The following DSCAML1 variants were observed in gnomAD, a reference collection of about 807,000 sequenced individuals.
DSCAML1 encodes cell adhesion molecule DSCAML1.
Under a neutral mutation model 200.5 loss-of-function variants are expected in DSCAML1, and 38 were observed. The ratio of observed to expected loss-of-function variants is 0.19; its 90% CI spans 0.15 to 0.25. The LOEUF (loss-of-function observed/expected upper bound fraction) is 0.25, where lower values mean the gene tolerates loss of function less well. Among genes scored for constraint, DSCAML1 ranks in the 10% least tolerant of loss-of-function variants. The pLI, the probability that DSCAML1 is intolerant of heterozygous loss-of-function variation, is 1.00. For synonymous variants in DSCAML1, 1,215 were observed against 1,165.0 expected, an observed-to-expected ratio of 1.04 and a Z score of -0.87; for missense variants, 2,223 against 2,858.8, an observed-to-expected ratio of 0.78 and a Z score of 5.07.
chr11:117,522,997 G>C (rs947172656), intron 5 of DSCAML1, among the ~76,000 whole-genome samples: 1 of 152,174 alleles, frequency 6.6e-6, no homozygotes, highest in Admixed American at 6.5e-5. Context: ...TACACATCTG[G>C]AAGTGGTGAC....
chr11:117,520,077 C>A (rs1027642693), intron 6 of DSCAML1, among the ~76,000 whole-genome samples: 1 of 152,182 alleles, frequency 6.6e-6, no homozygotes, highest in Admixed American at 6.5e-5. Flanking sequence ...AGGTGGGGAA[C>A]CATTAAACTT....
chr11:117,615,113 G>A (rs2051784840), intron 3 of DSCAML1, among the ~76,000 whole-genome samples: 2 of 152,240 alleles, frequency 1.3e-5, no homozygotes, highest in Admixed American at 1.3e-4. Context: ...GAATTGAAGA[G>A]CTGTTGACCC....
chr11:117,714,268 C>G (rs766225156), intron 3 of DSCAML1, among the ~76,000 whole-genome samples: 1 of 152,134 alleles, frequency 6.6e-6, no homozygotes, highest in Non-Finnish European at 1.5e-5. Flanking sequence ...TCTTGGGGAA[C>G]TTTTCTTTGT....
At chr11:117,809,903 T>TCA (rs201683364) in intron 1 of DSCAML1, among the ~76,000 whole-genome samples, 2 of 148,756 alleles carry the variant, frequency 1.3e-5, no homozygotes, top group Non-Finnish European at 3.0e-5. Flanking sequence ...ACCCACACAC[T>TCA]CACACACACA....
At chr11:117,613,568 C>T (rs767786244) in intron 3 of DSCAML1, among the ~76,000 whole-genome samples, 2 of 152,120 alleles carry the variant, frequency 1.3e-5, no homozygotes, top group African/African-American at 2.4e-5. Context: ...ATTAAATACT[C>T]GGGGCTGGCT....
intron 3 of DSCAML1, among the ~76,000 whole-genome samples, chr11:117,640,256 CTG>C (rs573878187): frequency 3.8e-4 from 58 of 152,340 alleles, no homozygotes; most frequent in African/African-American, 1.1e-3. Flanking sequence ...ACCAAGGGCT[CTG>C]TGTCTGCCAA....
intron 3 of DSCAML1, among the ~76,000 whole-genome samples, chr11:117,690,880 A>G (rs909027407): frequency 1.3e-5 from 2 of 152,168 alleles, no homozygotes; most frequent in African/African-American, 4.8e-5. Flanking sequence ...CTTCCATCAG[A>G]GCAGCTGCCT....
chr11:117,574,635 C>T (rs1404847755), intron 3 of DSCAML1, among the ~76,000 whole-genome samples: 1 of 152,116 alleles, frequency 6.6e-6, no homozygotes, highest in Non-Finnish European at 1.5e-5. Context: ...TGTGTGGGCC[C>T]CTGAGCCTGG....
chr11:117,602,877 C>A (rs541652159), intron 3 of DSCAML1, among the ~76,000 whole-genome samples: 24 of 151,908 alleles, frequency 1.6e-4, no homozygotes, highest in Non-Finnish European at 2.9e-4. Context: ...GACAGGTGGA[C>A]CGTTTGAGCT....
chr11:117,699,415 T>C (rs2137740522), intron 3 of DSCAML1, among the ~76,000 whole-genome samples: 1 of 152,208 alleles, frequency 6.6e-6, no homozygotes, highest in East Asian at 1.9e-4. Context: ...GGCTTAACGA[T>C]GTCACCCCAG....
intron 3 of DSCAML1, among the ~76,000 whole-genome samples, chr11:117,718,680 C>CCCCCCA (rs2053997413): frequency 1.0e-5 from 1 of 98,040 alleles, no homozygotes. Context: ...CCCCCCCCCC[C>CCCCCCA]CCCATCATAT....
At chr11:117,434,077 T>C (rs1358871001) in intron 27 of DSCAML1, among the ~76,000 whole-genome samples, 2 of 152,194 alleles carry the variant, frequency 1.3e-5, no homozygotes, top group African/African-American at 4.8e-5. Flanking sequence ...AGTTAATTTA[T>C]TAGACCCCTG....
intron 3 of DSCAML1, among the ~76,000 whole-genome samples, chr11:117,561,003 G>A (rs907766996): frequency 1.3e-5 from 2 of 152,326 alleles, no homozygotes; most frequent in East Asian, 1.9e-4. Flanking sequence ...TGGAGGGCGG[G>A]TGCTGGGGCC....
At chr11:117,721,431 CCAA>C (rs2137796022) in intron 3 of DSCAML1, among the ~76,000 whole-genome samples, 1 of 152,218 alleles carries the variant, frequency 6.6e-6, no homozygotes, top group African/African-American at 2.4e-5. Context: ...TCTGGGTATT[CCAA>C]CCATCCCTCA....
chr11:117,711,259 C>T (rs1293936583), intron 3 of DSCAML1, among the ~76,000 whole-genome samples: 1 of 152,178 alleles, frequency 6.6e-6, no homozygotes, highest in Non-Finnish European at 1.5e-5. Context: ...TTCCACCTTC[C>T]ATTCTTTTGA....
intron 16 of DSCAML1, among the ~76,000 whole-genome samples, chr11:117,467,625 C>CTG (rs1349359811): frequency 1.3e-5 from 2 of 151,502 alleles, no homozygotes; most frequent in Non-Finnish European, 2.9e-5. Flanking sequence ...AGGTGTGTGT[C>CTG]TGTGTGTGTG....
At chr11:117,546,723 G>A (rs1339398731) in intron 3 of DSCAML1, among the ~76,000 whole-genome samples, 1 of 152,108 alleles carries the variant, frequency 6.6e-6, no homozygotes, top group Non-Finnish European at 1.5e-5. Context: ...AAATCTGGGG[G>A]AGGGGGTGCA....
In DSCAML1 at chr11:117,433,217, T is replaced by C; in HGVS notation, c.4947A>G (p.Pro1649=). ...CAATGTGTAGCCGTGGGCCCTGGGG[T>C]GGCCCTTTCACAGGGGTGTCAAAGC... ...NRSFDTPVKG[P]PQGPRLHIDI... Residue 1649 remains proline (P), a synonymous_variant, in exon 29 of 33, where the codon CCA becomes CCG. Transcript: ENST00000651296. 1.2e-6 allele frequency: 2 copies of C among 1,613,256 alleles called. No homozygotes were observed. Among genetic ancestry groups the C allele is most frequent in the African/African-American group, 1.3e-5 (1 of 74,934 alleles).
chr11:117,684,899 C>T (rs1189700919), intron 3 of DSCAML1, among the ~76,000 whole-genome samples: 1 of 152,220 alleles, frequency 6.6e-6, no homozygotes, highest in Non-Finnish European at 1.5e-5. Context: ...GTTCCAAAGT[C>T]CCTTCTTCAA....
Sources: gnomAD v4.1 joint callset for allele counts (sites outside exome capture counted in the v4.1 genomes callset) on GRCh38, gnomAD v4.1.1 for gene constraint, MANE v1.5 for transcripts, NCBI Gene and HGNC (gene_info 2026-07-23, HGNC 2026-07-21) for gene names.